NTNG1: variants seen among roughly 807,000 people sequenced by gnomAD.
NTNG1 encodes the protein netrin-G1.
A neutral mutation model predicts 54.0 loss-of-function variants in NTNG1; 16 were observed. The observed-to-expected ratio is 0.30, with a 90% CI of 0.20 to 0.45. NTNG1 has a LOEUF of 0.45. Ranked by LOEUF, NTNG1 falls within the 20% of genes least tolerant of loss-of-function variation. The pLI, the probability that NTNG1 is intolerant of heterozygous loss-of-function variation, is 1.00. For synonymous variants in NTNG1, 255 were observed against 263.1 expected, an observed-to-expected ratio of 0.97 and a Z score of 0.30; for missense variants, 530 against 678.7, an observed-to-expected ratio of 0.78 and a Z score of 2.43.
chr1:107,436,542 C>A, intron 6 of NTNG1, 123 bp from the exon 7 acceptor site: 3 of 724,044 alleles, frequency 4.1e-6, no homozygotes, highest in Admixed American at 3.3e-5. Flanking sequence ...TTTGCCGAAG[C>A]ATTTCATTAA....
intron 2 of NTNG1, among the ~76,000 whole-genome samples, chr1:107,173,350 ATTTCAAAGCCCTGGT>A (rs746873230): frequency 6.6e-6 from 1 of 152,156 alleles, no homozygotes; most frequent in Non-Finnish European, 1.5e-5. Flanking sequence ...AGAAATAACC[ATTTCAAAGCCCTGGT>A]GGAAGAGAAT....
rs540110376 is a variant in NTNG1 at position 107,192,423 on chromosome 1, A to G, written c.246+43584A>G. Among the ~76,000 whole-genome samples the G allele has an allele frequency of 3.9e-5, 6 of 152,170 alleles. No homozygotes were observed. The South Asian group carries it at 1.2e-3, about 31-fold the overall frequency. ...AAGCCTTATCCCAAGGGTTGACATCAGTTCTAATGTGTCTCACTATGGTTT... is the reference window on the plus strand; with the variant it reads ...AAGCCTTATCCCAAGGGTTGACATCGGTTCTAATGTGTCTCACTATGGTTT... On this transcript the variant is annotated intron_variant, in intron 2 of 7. Transcript: ENST00000370068.
chr1:107,288,787 A>G (rs1303315882), intron 2 of NTNG1, among the ~76,000 whole-genome samples: 2 of 152,152 alleles, frequency 1.3e-5, no homozygotes, highest in Non-Finnish European at 2.9e-5. Flanking sequence ...GAGAAGGTTT[A>G]ATTTATGTAT....
chr1:107,466,716 C>T (rs930546427), intron 7 of NTNG1, among the ~76,000 whole-genome samples: 2 of 152,170 alleles, frequency 1.3e-5, no homozygotes, highest in Admixed American at 1.3e-4. Context: ...TGCATAGCCT[C>T]CCAGTTGTAT....
intron 3 of NTNG1, among the ~76,000 whole-genome samples, chr1:107,344,331 A>T (rs1174355811): frequency 1.3e-5 from 2 of 152,176 alleles, no homozygotes; most frequent in Non-Finnish European, 2.9e-5. Flanking sequence ...TAAAATTATG[A>T]TCTGACTTTT....
chr1:107,174,988 G>T (rs1001034518), intron 2 of NTNG1, among the ~76,000 whole-genome samples: 1 of 152,048 alleles, frequency 6.6e-6, no homozygotes, highest in Non-Finnish European at 1.5e-5. Context: ...TTATTGATTT[G>T]ATCATTGTAT....
chr1:107,338,029 T>C (rs1668690242), intron 3 of NTNG1, among the ~76,000 whole-genome samples: 1 of 152,032 alleles, frequency 6.6e-6, no homozygotes, highest in Non-Finnish European at 1.5e-5. Context: ...TTTTATTTCA[T>C]ACTGTAGGTA....
At chr1:107,364,658 C>T (rs952721166) in intron 3 of NTNG1, among the ~76,000 whole-genome samples, 1 of 152,226 alleles carries the variant, frequency 6.6e-6, no homozygotes, top group Non-Finnish European at 1.5e-5. Context: ...AAGAAAGCAT[C>T]TCCATCATTT....
intron 2 of NTNG1, among the ~76,000 whole-genome samples, chr1:107,162,412 T>C (rs893881109): frequency 1.9e-4 from 29 of 152,302 alleles, no homozygotes; most frequent in African/African-American, 7.0e-4. Flanking sequence ...CTGTCAGGAA[T>C]AGATTTTATG....
At chr1:107,473,666 A>G (rs1394947282) in intron 7 of NTNG1, among the ~76,000 whole-genome samples, 1 of 152,256 alleles carries the variant, frequency 6.6e-6, no homozygotes, top group Non-Finnish European at 1.5e-5. Context: ...AAAAATAGAT[A>G]GAAGTAAGAG....
intron 2 of NTNG1, among the ~76,000 whole-genome samples, chr1:107,277,813 G>A (rs1416876508): frequency 1.3e-5 from 2 of 152,158 alleles, no homozygotes; most frequent in Non-Finnish European, 2.9e-5. Context: ...TAATTTATAG[G>A]AGTTTTAAAT....
At chr1:107,366,669 G>T (rs1034734731) in intron 3 of NTNG1, among the ~76,000 whole-genome samples, 2 of 152,154 alleles carry the variant, frequency 1.3e-5, no homozygotes, top group Non-Finnish European at 2.9e-5. Flanking sequence ...TAAGCTACTA[G>T]GACAAAATGA....
chr1:107,162,284 A>C (rs1655462596), intron 2 of NTNG1, among the ~76,000 whole-genome samples: 1 of 152,116 alleles, frequency 6.6e-6, no homozygotes, highest in South Asian at 2.1e-4. Context: ...CACTACTTTG[A>C]ACTCCTATCG....
chr1:107,395,826 T>C (rs1672648233), intron 4 of NTNG1, among the ~76,000 whole-genome samples: 1 of 152,202 alleles, frequency 6.6e-6, no homozygotes, highest in Admixed American at 6.6e-5. Flanking sequence ...AGTTTGGCTG[T>C]TTCCAAACTC....
chr1:107,249,800 A>T (rs915578033), intron 2 of NTNG1, among the ~76,000 whole-genome samples: 5 of 152,244 alleles, frequency 3.3e-5, no homozygotes, highest in African/African-American at 9.6e-5. Context: ...AATAAAAACT[A>T]TGGGACTAAC....
At chr1:107,458,941 C>T (rs543095727) in intron 7 of NTNG1, among the ~76,000 whole-genome samples, 1 of 152,242 alleles carries the variant, frequency 6.6e-6, no homozygotes, top group South Asian at 2.1e-4. Flanking sequence ...CGTTCTACTT[C>T]CTACAATCTC....
intron 2 of NTNG1, among the ~76,000 whole-genome samples, chr1:107,238,495 G>A (rs1049035573): frequency 1.3e-5 from 2 of 152,154 alleles, no homozygotes; most frequent in South Asian, 4.1e-4. Flanking sequence ...ATTGGGAGGA[G>A]CCAGGGGTAG....
chr1:107,225,349 C>G (rs772841587), intron 2 of NTNG1, among the ~76,000 whole-genome samples: 35 of 150,506 alleles, frequency 2.3e-4, no homozygotes, highest in Non-Finnish European at 4.4e-4. Flanking sequence ...GTTGATGGGA[C>G]AAAGGAAAAT....
At chr1:107,385,898 C>T (rs1671941086) in intron 3 of NTNG1, among the ~76,000 whole-genome samples, 5 of 150,482 alleles carry the variant, frequency 3.3e-5, no homozygotes, top group Admixed American at 3.3e-4. Context: ...GTGCAACCAT[C>T]ACCACTGTCT....
Sources: allele counts gnomAD v4.1 joint callset (sites outside exome capture counted in the v4.1 genomes callset), GRCh38; gene constraint gnomAD v4.1.1; transcripts MANE v1.5; gene names NCBI Gene and HGNC (gene_info 2026-07-23, HGNC 2026-07-21).